ARNT2: variants seen among roughly 807,000 people sequenced by gnomAD.
ARNT2 encodes the protein ARNT protein 2.
In ARNT2, 36 loss-of-function variants were observed where a neutral mutation model predicts 91.7. That is an observed-to-expected ratio of 0.39 (90% CI 0.30 to 0.52). The LOEUF is 0.52. Ranked by LOEUF, ARNT2 falls within the 20% of genes least tolerant of loss-of-function variation. The pLI is 0.72. For missense variants in ARNT2, 775 were observed against 939.3 expected (o/e 0.83, Z 2.29); for synonymous variants, 365 against 347.1 (o/e 1.05, Z -0.57).
intron 12 of ARNT2, among the ~76,000 whole-genome samples, chr15:80,570,364 G>A (rs1346596960): frequency 6.6e-6 from 1 of 152,184 alleles, no homozygotes; most frequent in Non-Finnish European, 1.5e-5. Flanking sequence ...CTGCAGAGAT[G>A]TGAAAATATT....
intron 5 of ARNT2, among the ~76,000 whole-genome samples, chr15:80,494,003 C>T (rs1897090906): frequency 6.6e-6 from 1 of 152,202 alleles, no homozygotes; most frequent in Admixed American, 6.5e-5. Flanking sequence ...TTTGCTTCTG[C>T]CATGATGCTT....
intron 8 of ARNT2, among the ~76,000 whole-genome samples, chr15:80,516,855 A>ATATATATATATATATC (rs1491249404): frequency 1.4e-5 from 2 of 142,636 alleles, no homozygotes; most frequent in African/African-American, 5.1e-5. Flanking sequence ...ATATATATAT[A>ATATATATATATATATC]TCCATGTTCA....
chr15:80,426,877 G>A (rs1358317568), intron 1 of ARNT2, among the ~76,000 whole-genome samples: 2 of 152,138 alleles, frequency 1.3e-5, no homozygotes, highest in Non-Finnish European at 1.5e-5. Context: ...TCTCTTCCTG[G>A]CTTGCGGACA....
chr15:80,514,131 G>A (rs1395601116), intron 7 of ARNT2, among the ~76,000 whole-genome samples, 155 bp downstream of exon 7: 1 of 152,190 alleles, frequency 6.6e-6, no homozygotes, highest in Non-Finnish European at 1.5e-5. Context: ...GAGAGAACAG[G>A]GAGTTGGGTG....
rs147108540 is a variant in ARNT2 at position 80,479,099 on chromosome 15, T to A, written c.622+3876T>A. 3.9e-3 allele frequency among the ~76,000 whole-genome samples: 601 copies of A among 152,298 alleles called. 3 individuals carry two copies. The highest frequency in any genetic ancestry group is 0.014 in the African/African-American group (566 of 41,568). Reference sequence around the variant, plus strand: ...CCTCTCTCAGTGGTGATTCAATGTCTCATTCGTTGGACCTGCAGGGTCACC... The same window carrying A: ...CCTCTCTCAGTGGTGATTCAATGTCACATTCGTTGGACCTGCAGGGTCACC... On this transcript the variant is annotated intron_variant, in intron 5 of 18. Coordinates refer to ENST00000303329, the MANE Select transcript of ARNT2 (RefSeq NM_014862.4).
intron 12 of ARNT2, among the ~76,000 whole-genome samples, chr15:80,567,519 C>G (rs1469592570): frequency 2.0e-5 from 3 of 152,140 alleles, no homozygotes. Flanking sequence ...TAAATACTTC[C>G]CCGCAGGGCC....
At chr15:80,536,527 T>G (rs764594729) in intron 8 of ARNT2, among the ~76,000 whole-genome samples, 2 of 152,226 alleles carry the variant, frequency 1.3e-5, no homozygotes, top group Non-Finnish European at 2.9e-5. Flanking sequence ...ACACAGCTGC[T>G]GATATTCACC....
At chr15:80,577,058 A>AC in intron 15 of ARNT2, 93 bp downstream of exon 15, 4 of 1,299,954 alleles carry the variant, frequency 3.1e-6, no homozygotes, top group South Asian at 1.2e-5. Context: ...GGCTGTAAGC[A>AC]TGAGTTAGTG....
At chr15:80,569,112 C>A (rs1898538890) in intron 12 of ARNT2, among the ~76,000 whole-genome samples, 1 of 152,212 alleles carries the variant, frequency 6.6e-6, no homozygotes, top group Non-Finnish European at 1.5e-5. Flanking sequence ...TCCCAGTGTG[C>A]TTCCAGTTAC....
At chr15:80,432,773 G>A (rs969825272) in intron 1 of ARNT2, among the ~76,000 whole-genome samples, 1 of 152,040 alleles carries the variant, frequency 6.6e-6, no homozygotes, top group Admixed American at 6.5e-5. Flanking sequence ...CACCATCACA[G>A]CTCAGCCTCC....
chr15:80,437,085 C>T (rs1896098924), intron 1 of ARNT2, among the ~76,000 whole-genome samples: 1 of 152,112 alleles, frequency 6.6e-6, no homozygotes, highest in Non-Finnish European at 1.5e-5. Context: ...TCTCGATGGG[C>T]TCCATCTTTC....
rs1200974735 is a variant in ARNT2, at chr15:80,460,333, A to G, written c.194+2357A>G. On this transcript the variant is annotated intron_variant, in intron 3 of 18. Transcript: ENST00000303329. ...GTCACAGTCACAAAGCAGCTCAATTATAGGAATTTGATATGGTTCCTACTT... is the reference window on the plus strand; with the variant it reads ...GTCACAGTCACAAAGCAGCTCAATTGTAGGAATTTGATATGGTTCCTACTT... Among the ~76,000 whole-genome samples the G allele has an allele frequency of 3.3e-5, 5 of 152,212 alleles. No homozygotes were observed. The South Asian group carries it at 1.0e-3, about 32-fold the overall frequency.
At chr15:80,421,230 A>T (rs1340108710) in intron 1 of ARNT2, among the ~76,000 whole-genome samples, 1 of 152,142 alleles carries the variant, frequency 6.6e-6, no homozygotes, top group Non-Finnish European at 1.5e-5. Context: ...ACAGGGTAGT[A>T]TAATGGACAT....
intron 1 of ARNT2, among the ~76,000 whole-genome samples, chr15:80,415,012 G>A (rs115233146): frequency 2.3e-3 from 349 of 152,328 alleles, no homozygotes; most frequent in African/African-American, 7.9e-3. Flanking sequence ...CCAACCATTG[G>A]TGAACAGAGG....
chr15:80,558,333 CTTT>C lies in ARNT2; in HGVS notation c.1164+3213_1164+3215del, dbSNP rs56720700. 6.5e-3 allele frequency among the ~76,000 whole-genome samples: 672 copies of C among 103,322 alleles called. 2 individuals carry two copies. Among genetic ancestry groups the C allele is most frequent in the Middle Eastern group, 0.018 (3 of 170 alleles). 67.8% of individuals were successfully genotyped at this position (103,322 alleles called of 152,430 possible). Reference sequence around the variant, plus strand: ...GTGGGCAGACTTCATTACGTCTGTGCTTTTTTTTTTTTTTTTTTTTTGAGACGG... The same window carrying C: ...GTGGGCAGACTTCATTACGTCTGTGCTTTTTTTTTTTTTTTTTTGAGACGG... On this transcript the variant is annotated intron_variant, in intron 11 of 18. Coordinates refer to ENST00000303329, the MANE Select transcript of ARNT2 (RefSeq NM_014862.4).
chr15:80,573,372 C>T (rs952485913), intron 12 of ARNT2, among the ~76,000 whole-genome samples: 1 of 152,066 alleles, frequency 6.6e-6, no homozygotes, highest in African/African-American at 2.4e-5. Flanking sequence ...TGTTCATATG[C>T]TTTAAATTGA....
intron 8 of ARNT2, among the ~76,000 whole-genome samples, chr15:80,541,827 A>T (rs934566048): frequency 6.6e-6 from 1 of 152,230 alleles, no homozygotes; most frequent in Non-Finnish European, 1.5e-5. Context: ...CACAAACAGC[A>T]TGTGTGAACT....
Position 80,564,209 on chromosome 15 carries a change from CGGG to C in ARNT2, c.1316+973_1316+975del, listed in dbSNP as rs1898429873. On this transcript the variant is annotated intron_variant, in intron 12 of 18. Coordinates refer to ENST00000303329, the MANE Select transcript of ARNT2 (RefSeq NM_014862.4). ...CATTTTCCCCAGTTCAGCACTCAGTCGGGGGACCTGTTTCCAACCCTACCACCT... is the reference window on the plus strand; with the variant it reads ...CATTTTCCCCAGTTCAGCACTCAGTCGGACCTGTTTCCAACCCTACCACCT... 2.0e-5 allele frequency among the ~76,000 whole-genome samples: 3 copies of C among 152,214 alleles called. No homozygotes were observed. In the South Asian group the frequency reaches 6.2e-4, roughly 32 times the overall value.
At chr15:80,405,797 G>A (rs1177628441) in intron 1 of ARNT2, among the ~76,000 whole-genome samples, 1 of 152,088 alleles carries the variant, frequency 6.6e-6, no homozygotes, top group Non-Finnish European at 1.5e-5. Flanking sequence ...AGGCTTTAAA[G>A]GACAGACTGA....
Sources: gnomAD v4.1 joint callset for allele counts (sites outside exome capture counted in the v4.1 genomes callset) on GRCh38, gnomAD v4.1.1 for gene constraint, MANE v1.5 for transcripts, NCBI Gene and HGNC (gene_info 2026-07-23, HGNC 2026-07-21) for gene names.